The following ZNF445 variants were observed in gnomAD, a reference collection of about 807,000 sequenced individuals.
ZNF445 encodes the protein zinc finger protein 168.
In ZNF445, 19 loss-of-function variants were observed where a neutral mutation model predicts 93.9. The observed-to-expected ratio is 0.20, with a 90% CI of 0.14 to 0.30. The LOEUF (loss-of-function observed/expected upper bound fraction) is 0.30. ZNF445 is among the 10% of genes least tolerant of loss of function. ZNF445 has a pLI of 1.00. For missense variants in ZNF445, 1,058 were observed against 1,259.4 expected (o/e 0.84, Z 2.42); for synonymous variants, 449 against 446.3 (o/e 1.01, Z -0.08).
At position 44,436,158 on chromosome 3, in the gene ZNF445, C is replaced by T. The variant is rs933417273; in HGVS notation, c.*10417G>A. Reference sequence around the variant, plus strand: ...CTCTGTGTTGGTAATTTAGGTCAGACTTTATTCACCAGATCTGGAGCTTTC... The same window carrying T: ...CTCTGTGTTGGTAATTTAGGTCAGATTTTATTCACCAGATCTGGAGCTTTC... On this transcript the variant is annotated 3_prime_UTR_variant, in exon 8 of 8. Coordinates refer to ENST00000396077, the MANE Select transcript of ZNF445 (RefSeq NM_181489.6). 1 of 152,202 alleles carries T rather than the reference C, an allele frequency of 6.6e-6. No individual in the cohort carries two copies. Among genetic ancestry groups the T allele is most frequent in the African/African-American group, 2.4e-5 (1 of 41,436 alleles). 9.4% of individuals were successfully genotyped at this position (152,202 alleles called of 1,614,324 possible). A position where few individuals can be genotyped will look rare whatever the true frequency, so the allele number is the denominator to read the frequency against.
At position 44,447,218 on chromosome 3, in the gene ZNF445, T is replaced by A. The variant is rs771831630; in HGVS notation, c.2453A>T (p.Tyr818Phe). Residue 818 changes from tyrosine (Y) to phenylalanine (F), a missense_variant, in exon 8 of 8, where the codon TAT (tyrosine) becomes TTT (phenylalanine). Around this residue, in one of 3 missense-constraint regions of ZNF445, gnomAD observed 387 missense variants for 475.7 expected, o/e 0.81. Transcript: ENST00000396077. The surrounding 1 kb of genome is among the most constrained non-coding windows in gnomAD (Gnocchi z 4.7). ...AGTCTTTTCACTTTCATGGCAATCATACTGTTTTTGAAGAGAGTGAATCCT... is the reference window on the plus strand; with the variant it reads ...AGTCTTTTCACTTTCATGGCAATCAAACTGTTTTTGAAGAGAGTGAATCCT... ...HQRIHSLQKQ[Y>F]DCHESEKTPN... 3.1e-6 allele frequency: 5 copies of A among 1,614,196 alleles called. No individual in the cohort carries two copies. In the Admixed American group the frequency reaches 5.0e-5, roughly 16 times the overall value.
chr3:44,441,447 AAT>A lies in ZNF445; in HGVS notation c.*5126_*5127del. 6.6e-6 allele frequency: 1 copy of A among 152,224 alleles called. No individual in the cohort carries two copies. The highest frequency in any genetic ancestry group is 1.5e-5 in the Non-Finnish European group (1 of 68,030). 9.4% of individuals were successfully genotyped at this position (152,224 alleles called of 1,614,324 possible). On this transcript the variant is annotated 3_prime_UTR_variant, in exon 8 of 8. Coordinates refer to ENST00000396077, the MANE Select transcript of ZNF445 (RefSeq NM_181489.6). The stretch of plus-strand genomic sequence containing the variant: ...GACTTGGAATGCCTAACCTCCTGGG[AAT>A]GCAGCCCAGTAGGTCTCAGCCTTAT...
In ZNF445 at chr3:44,453,356, G is replaced by A. The variant is rs1160863856; in HGVS notation, c.429+1765C>T. ...GTTGCCCAGTCTAGACTGCACTGGT[G>A]AAATCTCAGCTCACTGCAGCCTCCA... On this transcript the variant is annotated intron_variant, in intron 3 of 7. Transcript: ENST00000396077. Among the ~76,000 whole-genome samples, 5 of 151,334 alleles carry A rather than the reference G, an allele frequency of 3.3e-5. 1 individual carries two copies. In the South Asian group the frequency reaches 6.2e-4, roughly 19 times the overall value.
At chr3:44,468,440 A>G (rs1311749613) in intron 1 of ZNF445, among the ~76,000 whole-genome samples, 1 of 152,194 alleles carries the variant, frequency 6.6e-6, no homozygotes, top group Non-Finnish European at 1.5e-5. Context: ...CCCAAAGCAG[A>G]TCTCCTTCTT....
intron 1 of ZNF445, among the ~76,000 whole-genome samples, chr3:44,464,559 T>C (rs1385355013): frequency 1.3e-5 from 2 of 152,230 alleles, no homozygotes; most frequent in Admixed American, 6.5e-5. Flanking sequence ...TAAAGACTGA[T>C]AAAATAAAAT....
At position 44,432,269 on chromosome 3, in the gene ZNF445, GTGTC is replaced by G. The variant is rs746893818; in HGVS notation, c.*14302_*14305del. On this transcript the variant is annotated 3_prime_UTR_variant, in exon 8 of 8. Coordinates refer to ENST00000396077, the MANE Select transcript of ZNF445 (RefSeq NM_181489.6). ...CACATCTACACTCATTTGTGTGTGT[GTGTC>G]TGTGTGTGTGTGTGTGTGTGTGTGT... is the stretch of plus-strand genomic sequence containing the variant. 4.0e-3 allele frequency: 516 copies of G among 128,398 alleles called. 1 individual carries two copies. The highest frequency in any genetic ancestry group is 6.7e-3 in the Non-Finnish European group (402 of 60,390). 8.0% of individuals were successfully genotyped at this position (128,398 alleles called of 1,614,324 possible).
chr3:44,468,477 G>A (rs1431285853), intron 1 of ZNF445, among the ~76,000 whole-genome samples: 1 of 152,158 alleles, frequency 6.6e-6, no homozygotes, highest in Non-Finnish European at 1.5e-5. Context: ...GCCTTTGCGG[G>A]ACTAACATTA....
intron 1 of ZNF445, among the ~76,000 whole-genome samples, chr3:44,470,561 A>G (rs1488652023): frequency 2.0e-5 from 3 of 152,210 alleles, no homozygotes; most frequent in Non-Finnish European, 4.4e-5. Context: ...ATTAGAAAGC[A>G]TAGTTATACT....
Position 44,449,510 on chromosome 3 carries a change from C to T in ZNF445, c.931+3G>A. 9 of 1,613,342 alleles carry T rather than the reference C, an allele frequency of 5.6e-6. No homozygotes were observed. Among genetic ancestry groups the T allele is most frequent in the Non-Finnish European group, 7.6e-6 (9 of 1,179,280 alleles). ...AGGACCTGGCAGGTTCTCTGGAACT[C>T]ACCTGTAGGAGCAGCAACTGGATTC... On this transcript the variant is annotated splice_donor_region_variant and intron_variant, in intron 7 of 7. Transcript: ENST00000396077.
chr3:44,469,026 T>C (rs1411342179), intron 1 of ZNF445, among the ~76,000 whole-genome samples: 1 of 140,270 alleles, frequency 7.1e-6, no homozygotes, highest in Admixed American at 7.5e-5. Context: ...GGGAGGATAG[T>C]GAGAGTCTGT....
chr3:44,475,656 G>C (rs1698337998), intron 1 of ZNF445, among the ~76,000 whole-genome samples: 1 of 152,200 alleles, frequency 6.6e-6, no homozygotes, highest in South Asian at 2.1e-4. Flanking sequence ...AGGCGTCTAT[G>C]AGGAGACAGA....
At chr3:44,470,661 C>T (rs561041008) in intron 1 of ZNF445, among the ~76,000 whole-genome samples, 1 of 152,284 alleles carries the variant, frequency 6.6e-6, no homozygotes, top group South Asian at 2.1e-4. Flanking sequence ...TATTTTTAGC[C>T]ATGATTTCCT....
chr3:44,468,838 A>T (rs1276016156), intron 1 of ZNF445, among the ~76,000 whole-genome samples: 1 of 152,142 alleles, frequency 6.6e-6, no homozygotes, highest in Non-Finnish European at 1.5e-5. Context: ...TGCTTTGAGT[A>T]ATAATAAAAC....
intron 2 of ZNF445, among the ~76,000 whole-genome samples, chr3:44,456,194 T>C (rs1014068983): frequency 3.9e-5 from 6 of 152,116 alleles, no homozygotes; most frequent in Admixed American, 2.6e-4. Flanking sequence ...GGTGGGAGGA[T>C]TGCCTGAGCT....
At chr3:44,471,177 T>C (rs1698263868) in intron 1 of ZNF445, among the ~76,000 whole-genome samples, 1 of 152,220 alleles carries the variant, frequency 6.6e-6, no homozygotes, top group Admixed American at 6.5e-5. Flanking sequence ...AGAATTTCTC[T>C]AATATGACTC....
intron 1 of ZNF445, among the ~76,000 whole-genome samples, chr3:44,475,909 G>A (rs576635257): frequency 2.0e-5 from 3 of 152,296 alleles, no homozygotes; most frequent in East Asian, 3.9e-4. Context: ...TGAGGCAGGA[G>A]AATCACTTGA....
chr3:44,465,693 A>G (rs756842487), intron 1 of ZNF445, among the ~76,000 whole-genome samples: 30 of 152,188 alleles, frequency 2.0e-4, no homozygotes, highest in Non-Finnish European at 3.8e-4. Context: ...CAGGAGGATT[A>G]CCTGAGGTTG....
intron 3 of ZNF445, 103 bp from the exon 4 acceptor site, chr3:44,451,585 T>G (rs962451245): frequency 2.3e-5 from 30 of 1,306,360 alleles, no homozygotes; most frequent in Middle Eastern, 2.8e-4. Flanking sequence ...GGCCGAGGGA[T>G]AGGTAAGCCA....
In ZNF445 at chr3:44,436,201, G is replaced by A. The variant is rs1335345322; in HGVS notation, c.*10374C>T. The A allele has an allele frequency of 1.3e-5, 2 of 152,186 alleles. No homozygotes were observed. The highest frequency in any genetic ancestry group is 1.5e-5 in the Non-Finnish European group (1 of 68,036). 9.4% of individuals were successfully genotyped at this position (152,186 alleles called of 1,614,324 possible). On this transcript the variant is annotated 3_prime_UTR_variant, in exon 8 of 8. Coordinates refer to ENST00000396077, the MANE Select transcript of ZNF445 (RefSeq NM_181489.6). ...GAGCTTTCCTACTTACTCGGATCAAGTAAAACTTTAGTAGGCAGCCCATCC... is the reference window on the plus strand; with the variant it reads ...GAGCTTTCCTACTTACTCGGATCAAATAAAACTTTAGTAGGCAGCCCATCC...
Sources: allele counts gnomAD v4.1 joint callset (sites outside exome capture counted in the v4.1 genomes callset), GRCh38; gene constraint gnomAD v4.1.1; regional missense constraint gnomAD v4.1.1; non-coding constraint Gnocchi (gnomAD v3.1); transcripts MANE v1.5; gene names NCBI Gene and HGNC (gene_info 2026-07-23, HGNC 2026-07-21).